Variants in SYNDIG1L observed in about 807,000 individuals in gnomAD.
SYNDIG1L encodes synapse differentiation-inducing gene protein 1-like.
In SYNDIG1L, 13 loss-of-function variants were observed where a neutral mutation model predicts 20.1. That is an observed-to-expected ratio of 0.65 (90% CI 0.42 to 1.03). SYNDIG1L has a LOEUF of 1.03. Among genes scored for constraint, SYNDIG1L ranks in the 50% least tolerant of loss-of-function variants. SYNDIG1L has a pLI of 0.00. For synonymous variants in SYNDIG1L, 128 were observed against 129.3 expected, an observed-to-expected ratio of 0.99 and a Z score of 0.07; for missense variants, 294 against 305.1, an observed-to-expected ratio of 0.96 and a Z score of 0.27.
the SYNDIG1L span, among the ~76,000 whole-genome samples, chr14:74,438,721 A>G: frequency 6.6e-6 from 1 of 152,182 alleles, no homozygotes; most frequent in Non-Finnish European, 1.5e-5. Flanking sequence ...AATTCCTGTA[A>G]TGGGGGAAGA....
chr14:74,448,263 C>T, the SYNDIG1L span, among the ~76,000 whole-genome samples: 2 of 152,008 alleles, frequency 1.3e-5, no homozygotes, highest in Admixed American at 6.6e-5. Context: ...TTACAAGAAA[C>T]ACACTTGGAC....
intron 1 of SYNDIG1L, among the ~76,000 whole-genome samples, chr14:74,422,090 T>C (rs1387140547): frequency 6.6e-6 from 1 of 152,190 alleles, no homozygotes; most frequent in African/African-American, 2.4e-5. Flanking sequence ...TGAAACAACC[T>C]GTCTCTCCGC....
chr14:74,465,346 C>A, the SYNDIG1L span, among the ~76,000 whole-genome samples: 1 of 152,180 alleles, frequency 6.6e-6, no homozygotes, highest in Admixed American at 6.5e-5. Flanking sequence ...GCTTTCATGC[C>A]GATTGCACAT....
the SYNDIG1L span, among the ~76,000 whole-genome samples, chr14:74,456,171 G>T: frequency 1.3e-5 from 2 of 152,124 alleles, no homozygotes; most frequent in Non-Finnish European, 2.9e-5. Context: ...GCCACTAGAT[G>T]GTCTCATCCC....
At chr14:74,409,266 T>C (rs1415377097) in intron 2 of SYNDIG1L, 62 bp downstream of exon 2, 1 of 1,220,976 alleles carries the variant, frequency 8.2e-7, no homozygotes, top group African/African-American at 1.5e-5. Context: ...TTTTTTTTTG[T>C]AGAGTCGGGG....
At chr14:74,459,531 T>C in the SYNDIG1L span, among the ~76,000 whole-genome samples, 1 of 152,126 alleles carries the variant, frequency 6.6e-6, no homozygotes, top group African/African-American at 2.4e-5. Context: ...TTCTCGGGAA[T>C]CATGTGACTG....
chr14:74,454,913 G>A, the SYNDIG1L span, among the ~76,000 whole-genome samples: 1 of 152,240 alleles, frequency 6.6e-6, no homozygotes, highest in Non-Finnish European at 1.5e-5. Flanking sequence ...CACTAATTGA[G>A]GTATTGCCAT....
chr14:74,408,052 G>A, intron 2 of SYNDIG1L, 63 bp from the exon 3 acceptor site: 1 of 1,524,970 alleles, frequency 6.6e-7, no homozygotes, highest in Non-Finnish European at 8.8e-7. Context: ...AGGCTGGCAA[G>A]AGGTTTTTTA....
chr14:74,476,935 A>G, the SYNDIG1L span, among the ~76,000 whole-genome samples: 1 of 152,026 alleles, frequency 6.6e-6, no homozygotes, highest in East Asian at 1.9e-4. Flanking sequence ...CAACCACCCA[A>G]AATGACTCAA....
chr14:74,476,602 G>A, the SYNDIG1L span: 1 of 1,530,558 alleles, frequency 6.5e-7, no homozygotes, highest in Non-Finnish European at 8.8e-7. Context: ...TCTGCAGAAA[G>A]TAGAAGAGGT....
In SYNDIG1L at chr14:74,416,528, G is replaced by T. The variant is rs113222674; in HGVS notation, c.-57-6727C>A. On this transcript the variant is annotated intron_variant, in intron 1 of 3. Transcript: ENST00000331628. ...GCACACCTGTAGTCTCAGCTACTTG[G>T]GAGGCCGAGGCGGGAGGATCGCTTG... is the stretch of plus-strand genomic sequence containing the variant. Among the ~76,000 whole-genome samples, 410 of 152,256 alleles carry T rather than the reference G, an allele frequency of 2.7e-3. 4 individuals carry two copies. The highest frequency in any genetic ancestry group is 9.4e-3 in the African/African-American group (390 of 41,558).
intron 1 of SYNDIG1L, among the ~76,000 whole-genome samples, chr14:74,423,032 C>T (rs961359204): frequency 6.6e-6 from 1 of 152,112 alleles, no homozygotes; most frequent in Admixed American, 6.5e-5. Context: ...TGCATTTATT[C>T]TTCCTCTTTC....
chr14:74,449,276 C>T, the SYNDIG1L span, among the ~76,000 whole-genome samples: 22 of 149,358 alleles, frequency 1.5e-4, no homozygotes, highest in African/African-American at 5.4e-4. Flanking sequence ...GTGTTTTGAA[C>T]TGGATGAAAA....
chr14:74,418,627 A>T (rs2086196879), intron 1 of SYNDIG1L, among the ~76,000 whole-genome samples: 1 of 152,318 alleles, frequency 6.6e-6, no homozygotes, highest in South Asian at 2.1e-4. Context: ...AAGTGATGCT[A>T]TGTGACTTCT....
chr14:74,432,183 G>A, the SYNDIG1L span, among the ~76,000 whole-genome samples: 1 of 150,018 alleles, frequency 6.7e-6, no homozygotes, highest in African/African-American at 2.5e-5. Context: ...GTGTGTGTGA[G>A]AGAGAGAGAG....
chr14:74,472,982 T>C, the SYNDIG1L span, among the ~76,000 whole-genome samples: 1 of 152,146 alleles, frequency 6.6e-6, no homozygotes, highest in African/African-American at 2.4e-5. Flanking sequence ...GGTCGGGACA[T>C]CACCAAGTAT....
chr14:74,417,764 G>A (rs923472662), intron 1 of SYNDIG1L, among the ~76,000 whole-genome samples: 4 of 152,190 alleles, frequency 2.6e-5, no homozygotes, highest in Non-Finnish European at 5.9e-5. Context: ...GTGATATGTG[G>A]TAGGCGTGAG....
intron 1 of SYNDIG1L, among the ~76,000 whole-genome samples, chr14:74,423,635 A>T (rs1027418831): frequency 5.3e-5 from 8 of 152,010 alleles, no homozygotes; most frequent in Non-Finnish European, 7.4e-5. Context: ...CATCGGCTGG[A>T]CCTGCCACAG....
chr14:74,443,004 G>C, the SYNDIG1L span, among the ~76,000 whole-genome samples: 2 of 152,176 alleles, frequency 1.3e-5, no homozygotes, highest in Non-Finnish European at 2.9e-5. Flanking sequence ...TTCAAGCTGA[G>C]TTGTATAACA....
Sources: allele counts gnomAD v4.1 joint callset (sites outside exome capture counted in the v4.1 genomes callset), GRCh38; gene constraint gnomAD v4.1.1; transcripts MANE v1.5; gene names NCBI Gene and HGNC (gene_info 2026-07-23, HGNC 2026-07-21).